UBE4A: variants seen among roughly 807,000 people sequenced by gnomAD.
UBE4A encodes ubiquitination factor E4A, also known as ubiquitin conjugation factor E4 A.
A neutral mutation model predicts 117.9 loss-of-function variants in UBE4A; 48 were observed. The observed-to-expected ratio is 0.41, with a 90% CI of 0.32 to 0.52. The LOEUF is 0.52. Ranked by LOEUF, UBE4A falls within the 20% of genes least tolerant of loss-of-function variation. The probability of loss-of-function intolerance (pLI) is 0.33; values close to 1 mark genes in which losing one functional copy is unlikely to be tolerated. For synonymous variants in UBE4A, 407 were observed against 450.0 expected (o/e 0.90, Z 1.21); for missense variants, 1,067 against 1,296.3 (o/e 0.82, Z 2.72).
chr11:118,372,828 C>A, intron 6 of UBE4A, 162 bp downstream of exon 6: 1 of 1,125,164 alleles, frequency 8.9e-7, no homozygotes, highest in Non-Finnish European at 1.3e-6. Context: ...TAGAATAAAG[C>A]TGGGCATGGT....
chr11:118,373,771 T>C, intron 8 of UBE4A, 86 bp downstream of exon 8: 1 of 1,431,342 alleles, frequency 7.0e-7, no homozygotes, highest in South Asian at 1.5e-5. Context: ...TGCTCAAGCC[T>C]CTCTGGGAAA....
intron 15 of UBE4A, among the ~76,000 whole-genome samples, 167 bp from the exon 16 acceptor site, chr11:118,386,271 G>A (rs888402997): frequency 4.6e-5 from 7 of 152,104 alleles, no homozygotes; most frequent in Non-Finnish European, 7.4e-5. Context: ...TTTCCTGAAA[G>A]TTCTTTTGAG....
intron 18 of UBE4A, among the ~76,000 whole-genome samples, chr11:118,392,106 TAGC>T (rs1373051023): frequency 6.6e-6 from 1 of 152,200 alleles, no homozygotes; most frequent in East Asian, 1.9e-4. Flanking sequence ...AGAGCTCTAT[TAGC>T]AGGTAAGAAG....
chr11:118,368,231 A>T (rs1285883691), intron 2 of UBE4A, among the ~76,000 whole-genome samples: 1 of 152,202 alleles, frequency 6.6e-6, no homozygotes, highest in Non-Finnish European at 1.5e-5. Context: ...TTTCTATACT[A>T]TATTTTTCTG....
intron 1 of UBE4A, among the ~76,000 whole-genome samples, chr11:118,360,317 T>C (rs1948510662): frequency 6.6e-6 from 1 of 152,212 alleles, no homozygotes; most frequent in Non-Finnish European, 1.5e-5. Flanking sequence ...TTAGTCTCGC[T>C]GTCATTTACT....
At chr11:118,386,779 C>A (rs1555127343) in intron 16 of UBE4A, among the ~76,000 whole-genome samples, 167 bp downstream of exon 16, 1 of 152,068 alleles carries the variant, frequency 6.6e-6, no homozygotes, top group Non-Finnish European at 1.5e-5. Context: ...ATGATGATGC[C>A]CATTGTTGAC....
At chr11:118,366,836 A>G (rs1191208042) in intron 2 of UBE4A, among the ~76,000 whole-genome samples, 1 of 152,234 alleles carries the variant, frequency 6.6e-6, no homozygotes, top group Admixed American at 6.5e-5. Flanking sequence ...TGGGAGGCCT[A>G]GGTGGGCAGA....
chr11:118,373,694 G>A lies in UBE4A; in HGVS notation c.1116+9G>A, dbSNP rs1327273792. On this transcript the variant is annotated intron_variant, in intron 8 of 19. Transcript: ENST00000252108. The stretch of plus-strand genomic sequence containing the variant: ...AGGCCAACATCCATCAGGTGGAACT[G>A]TTTACCAGGGTATCCCAGCCCCCTG... 1.1e-5 allele frequency: 17 copies of A among 1,610,072 alleles called. No individual in the cohort carries two copies. The highest frequency in any genetic ancestry group is 1.4e-5 in the Non-Finnish European group (17 of 1,178,408).
chr11:118,388,409 G>C (rs1212521780), intron 16 of UBE4A, among the ~76,000 whole-genome samples: 3 of 151,922 alleles, frequency 2.0e-5, no homozygotes, highest in African/African-American at 7.3e-5. Flanking sequence ...CCAGCACTTT[G>C]GGAGGTCGAG....
At chr11:118,365,233 A>T (rs766577608) in intron 2 of UBE4A, 32 bp downstream of exon 2, 2 of 1,534,334 alleles carry the variant, frequency 1.3e-6, no homozygotes, top group Non-Finnish European at 1.8e-6. Context: ...AGCAAATAAG[A>T]TGACCTAGAA....
chr11:118,375,605 C>T (rs1037778313), intron 9 of UBE4A, among the ~76,000 whole-genome samples: 11 of 151,748 alleles, frequency 7.2e-5, no homozygotes, highest in African/African-American at 1.9e-4. Flanking sequence ...ATGATCCATC[C>T]GCCTCAGCCT....
chr11:118,368,345 G>A (rs1235327980), intron 2 of UBE4A, among the ~76,000 whole-genome samples: 1 of 152,178 alleles, frequency 6.6e-6, no homozygotes, highest in Non-Finnish European at 1.5e-5. Context: ...GTAATTCTTT[G>A]TTCACTAGGA....
In UBE4A at chr11:118,372,583, T is replaced by C. The variant is rs1565531338; in HGVS notation, c.638T>C (p.Val213Ala). ...RNLTVSNTRT[V>A]LLTPEIYVDQ... ...CTCACTGTGTCCAATACCCGAACAG[T>C]TCTTCTCACCCCAGAGATCTATGTT... The change falls in exon 6 of 20, where the codon GTT (valine) becomes GCT (alanine). Residue 213 changes from valine (V) to alanine (A), a missense_variant. Val to Ala is a moderately conservative substitution (Grantham distance 64). This residue lies in a region of UBE4A where 1,001 missense variants were observed against 1,184.0 expected (regional missense o/e 0.85). Coordinates refer to ENST00000252108, the MANE Select transcript of UBE4A (RefSeq NM_001204077.2). The C allele has an allele frequency of 6.8e-6, 11 of 1,614,146 alleles. No individual in the cohort carries two copies. Among genetic ancestry groups the C allele is most frequent in the Non-Finnish European group, 9.3e-6 (11 of 1,180,030 alleles).
chr11:118,392,667 C>A, intron 18 of UBE4A, 71 bp from the exon 19 acceptor site: 1 of 1,465,548 alleles, frequency 6.8e-7, no homozygotes, highest in Non-Finnish European at 9.3e-7. Context: ...TGGAGTCTTG[C>A]TCTGTCATTG....
intron 3 of UBE4A, 58 bp from the exon 4 acceptor site, chr11:118,369,365 T>C: frequency 7.9e-7 from 1 of 1,260,706 alleles, no homozygotes. Flanking sequence ...TCAAGATCAG[T>C]TGTCTGTATA....
At chr11:118,376,739 G>C in intron 10 of UBE4A, 45 bp downstream of exon 10, 1 of 1,600,134 alleles carries the variant, frequency 6.2e-7, no homozygotes, top group Non-Finnish European at 8.5e-7. Flanking sequence ...TAGTTGTGTT[G>C]ATAACTAGAA....
intron 13 of UBE4A, among the ~76,000 whole-genome samples, chr11:118,383,518 G>C (rs368217004): frequency 1.3e-5 from 2 of 150,716 alleles, no homozygotes; most frequent in East Asian, 3.9e-4. Flanking sequence ...GCTTGAATTC[G>C]GGAGGCAGAG....
chr11:118,392,325 AC>A (rs1555128680), intron 18 of UBE4A, among the ~76,000 whole-genome samples: 2 of 152,206 alleles, frequency 1.3e-5, no homozygotes, highest in Non-Finnish European at 2.9e-5. Flanking sequence ...AAAATCAAAA[AC>A]TGCTTTTCAT....
chr11:118,378,364 C>T (rs1279173177), intron 10 of UBE4A: 1 of 151,850 alleles, frequency 6.6e-6, no homozygotes, highest in African/African-American at 2.4e-5. Flanking sequence ...AATAGGACCA[C>T]AAAAGACATT....
Sources: allele counts gnomAD v4.1 joint callset (sites outside exome capture counted in the v4.1 genomes callset), GRCh38; gene constraint gnomAD v4.1.1; regional missense constraint gnomAD v4.1.1; transcripts MANE v1.5; gene names NCBI Gene and HGNC (gene_info 2026-07-23, HGNC 2026-07-21).